Variants in LIPA observed in about 807,000 individuals in gnomAD.
LIPA encodes lipase A, lysosomal acid type.
LIPA carries 26 observed loss-of-function variants against 40.6 expected under a neutral mutation model. That is an observed-to-expected ratio of 0.64 (90% confidence interval 0.47 to 0.89). LIPA has a LOEUF of 0.89. Ranked by LOEUF, LIPA falls within the 40% of genes least tolerant of loss-of-function variation. The probability of loss-of-function intolerance (pLI) is 0.00; values close to 1 mark genes in which losing one functional copy is unlikely to be tolerated. For synonymous variants in LIPA, 188 were observed against 168.4 expected, an observed-to-expected ratio of 1.12 and a Z score of -0.90; for missense variants, 455 against 479.6, an observed-to-expected ratio of 0.95 and a Z score of 0.48.
chr10:89,411,052 C>G (rs981199662), intron 2 of LIPA, among the ~76,000 whole-genome samples: 10 of 152,220 alleles, frequency 6.6e-5, no homozygotes, highest in African/African-American at 2.4e-4. Flanking sequence ...AACTGAAGGT[C>G]TTCTCAGAAA....
intron 1 of LIPA, among the ~76,000 whole-genome samples, chr10:89,290,435 T>C (rs192237207): frequency 2.0e-3 from 298 of 152,276 alleles, no homozygotes; most frequent in African/African-American, 6.8e-3. Flanking sequence ...ACCCCCAAAA[T>C]TTTTGCTGCC....
At chr10:89,332,400 C>G in intron 1 of LIPA, 1 of 1,088,190 alleles carries the variant, frequency 9.2e-7, no homozygotes, top group South Asian at 2.2e-5. Flanking sequence ...GGAACATGTT[C>G]CTGGCGTGAG....
At chr10:89,334,510 T>TTTTTTTTTTTTTTTTTTTTTTTTTTTTTC (rs1269919591) in intron 1 of LIPA, among the ~76,000 whole-genome samples, 1 of 76,714 alleles carries the variant, frequency 1.3e-5, no homozygotes, top group African/African-American at 6.6e-5. Context: ...TTTTTTTTTT[T>TTTTTTTTTTTTTTTTTTTTTTTTTTTTTC]TTTGAGACGG....
chr10:89,327,093 T>C (rs1843606602), intron 1 of LIPA, among the ~76,000 whole-genome samples: 1 of 152,198 alleles, frequency 6.6e-6, no homozygotes, highest in Non-Finnish European at 1.5e-5. Context: ...AGAGTTATTA[T>C]CAATAGAAAG....
chr10:89,390,348 G>A (rs896573237), intron 2 of LIPA, among the ~76,000 whole-genome samples: 3 of 152,124 alleles, frequency 2.0e-5, no homozygotes, highest in Non-Finnish European at 4.4e-5. Flanking sequence ...AATTGTTCTG[G>A]AATGGGCATA....
At chr10:89,252,347 TGCCAG>T (rs1843138379), upstream of LIPA, among the ~76,000 whole-genome samples, 1 of 152,226 alleles carries the variant, frequency 6.6e-6, no homozygotes, top group South Asian at 2.1e-4. Context: ...ACCTACTAAA[TGCCAG>T]GCATTAGTAA....
At chr10:89,338,676 T>C in intron 1 of LIPA, 1 of 1,612,390 alleles carries the variant, frequency 6.2e-7, no homozygotes, top group Non-Finnish European at 8.5e-7. Context: ...TCACCAAGAA[T>C]TCCCTGGAGA....
intron 2 of LIPA, chr10:89,392,488 G>C: frequency 5.0e-6 from 1 of 200,114 alleles, no homozygotes; most frequent in Non-Finnish European, 8.6e-6. Flanking sequence ...CCCGTCAGCA[G>C]GAATTCCGCT....
chr10:89,271,748 T>C (rs912333983), intron 1 of LIPA, among the ~76,000 whole-genome samples: 1 of 152,084 alleles, frequency 6.6e-6, no homozygotes, highest in Admixed American at 6.5e-5. Flanking sequence ...GCAAGTGTAA[T>C]ATGGAACAGG....
At chr10:89,216,724 A>G (rs1419945714) in intron 8 of LIPA, among the ~76,000 whole-genome samples, 1 of 152,174 alleles carries the variant, frequency 6.6e-6, no homozygotes, top group Non-Finnish European at 1.5e-5. Flanking sequence ...CATTTTATAT[A>G]AGGGACTTGA....
intron 2 of LIPA, chr10:89,402,274 T>C: frequency 6.4e-7 from 1 of 1,567,202 alleles, no homozygotes; most frequent in Non-Finnish European, 8.7e-7. Context: ...TGTTTTTGTT[T>C]TTACAGTACA....
chr10:89,347,986 C>G (rs1030560704), intron 2 of LIPA, among the ~76,000 whole-genome samples: 1 of 152,184 alleles, frequency 6.6e-6, no homozygotes, highest in Non-Finnish European at 1.5e-5. Context: ...GGTTTCCATC[C>G]CAGTCCAAAA....
intron 1 of LIPA, among the ~76,000 whole-genome samples, chr10:89,299,671 C>T (rs1356155354): frequency 1.3e-5 from 2 of 151,934 alleles, no homozygotes; most frequent in Admixed American, 6.6e-5. Flanking sequence ...TGAAAAAATA[C>T]TCAACATCAC....
At chr10:89,276,124 T>TA (rs897007502) in intron 1 of LIPA, among the ~76,000 whole-genome samples, 104 of 152,336 alleles carry the variant, frequency 6.8e-4, no homozygotes, top group African/African-American at 2.3e-3. Context: ...GCAAGGCACT[T>TA]AATGCACATT....
intron 2 of LIPA, among the ~76,000 whole-genome samples, chr10:89,392,166 C>A (rs1055132410): frequency 6.6e-6 from 1 of 152,166 alleles, no homozygotes; most frequent in African/African-American, 2.4e-5. Context: ...CAAAAAGCAA[C>A]CAGCAACCAA....
chr10:89,274,631 C>T (rs117293785), intron 1 of LIPA, among the ~76,000 whole-genome samples: 208 of 152,184 alleles, frequency 1.4e-3, no homozygotes, highest in Middle Eastern at 3.4e-3. Flanking sequence ...GCTCACTGAC[C>T]CTATAAACAA....
intron 1 of LIPA, among the ~76,000 whole-genome samples, chr10:89,298,291 A>T (rs1045496912): frequency 8.5e-5 from 13 of 152,200 alleles, no homozygotes; most frequent in African/African-American, 3.1e-4. Context: ...TCCTCAACCC[A>T]CTGCTGCCAC....
chr10:89,377,198 ATTGT>A (rs1173392374), intron 2 of LIPA, among the ~76,000 whole-genome samples: 3 of 152,194 alleles, frequency 2.0e-5, no homozygotes, highest in African/African-American at 7.2e-5. Context: ...ACATGTGAAC[ATTGT>A]TTGATTGACT....
chr10:89,329,286 C>T (rs970262683), intron 1 of LIPA, among the ~76,000 whole-genome samples: 3 of 152,140 alleles, frequency 2.0e-5, no homozygotes, highest in Non-Finnish European at 4.4e-5. Context: ...TGCCAAATAC[C>T]TCAGTATATA....
Sources: allele counts gnomAD v4.1 joint callset (sites outside exome capture counted in the v4.1 genomes callset), GRCh38; gene constraint gnomAD v4.1.1; transcripts MANE v1.5; gene names NCBI Gene and HGNC (gene_info 2026-07-23, HGNC 2026-07-21).